Variants in MAP3K13 observed in about 807,000 individuals in gnomAD.
MAP3K13 encodes the protein mitogen-activated protein kinase kinase kinase 13, also known as leucine zipper-bearing kinase.
MAP3K13 carries 52 observed loss-of-function variants against 104.0 expected under a neutral mutation model. That is an observed-to-expected ratio of 0.50 (90% CI 0.40 to 0.63). The LOEUF is 0.63. MAP3K13 is among the 20% of genes least tolerant of loss of function. The probability of loss-of-function intolerance (pLI) is 0.00; values close to 1 mark genes in which losing one functional copy is unlikely to be tolerated. For synonymous variants in MAP3K13, 394 were observed against 442.2 expected, an observed-to-expected ratio of 0.89 and a Z score of 1.37; for missense variants, 914 against 1,218.5, an observed-to-expected ratio of 0.75 and a Z score of 3.72.
intron 7 of MAP3K13, among the ~76,000 whole-genome samples, chr3:185,461,730 T>C (rs1330298780): frequency 6.6e-6 from 1 of 151,948 alleles, no homozygotes; most frequent in African/African-American, 2.4e-5. Flanking sequence ...ACCCAGCTAA[T>C]TTTTGTATTT....
chr3:185,321,195 ATT>A (rs1243289049), intron 2 of MAP3K13, among the ~76,000 whole-genome samples: 4 of 149,970 alleles, frequency 2.7e-5, no homozygotes, highest in African/African-American at 1.0e-4. Context: ...ACATGTGTAT[ATT>A]ATATATGCAT....
At chr3:185,354,707 T>C (rs551831592) in intron 2 of MAP3K13, among the ~76,000 whole-genome samples, 126 of 152,106 alleles carry the variant, frequency 8.3e-4, no homozygotes, top group African/African-American at 2.9e-3. Flanking sequence ...TTTCTTCTAG[T>C]ATTGTATCCC....
At chr3:185,375,313 C>A (rs1267309508) in intron 1 of MAP3K13, among the ~76,000 whole-genome samples, 2 of 151,896 alleles carry the variant, frequency 1.3e-5, no homozygotes, top group Non-Finnish European at 2.9e-5. Flanking sequence ...CCTGGGTGGG[C>A]AAATCCCCGA....
At chr3:185,397,066 A>T (rs759376268) in intron 1 of MAP3K13, among the ~76,000 whole-genome samples, 1 of 152,124 alleles carries the variant, frequency 6.6e-6, no homozygotes, top group Non-Finnish European at 1.5e-5. Flanking sequence ...TCCAGAACCA[A>T]TTCATAAGAT....
chr3:185,285,603 A>G (rs1434692934), exon 2 of MAP3K13: 7 of 1,534,204 alleles, frequency 4.6e-6, no homozygotes, highest in Admixed American at 3.9e-5. Context: ...AACATGAGTC[A>G]ATATGTATTG....
In MAP3K13 at chr3:185,482,951, AAAG is replaced by A. The variant is rs1237783537; in HGVS notation, c.*500_*502del. 9 of 232,908 alleles carry A rather than the reference AAAG, an allele frequency of 3.9e-5. No homozygotes were observed. Among genetic ancestry groups the A allele is most frequent in the African/African-American group, 1.8e-4 (8 of 45,432 alleles). The allele number at this position is 232,908 out of a possible 1,614,324, so 14.4% of individuals were successfully genotyped here. A position where few individuals can be genotyped will look rare whatever the true frequency, so the allele number is the denominator to read the frequency against. ...CCAGGTCTTTTGGCCATAAGTGACT[AAAG>A]AAGAGCCAGAGCAAGACATTGAACA... On this transcript the variant is annotated 3_prime_UTR_variant, in exon 14 of 14. Coordinates refer to ENST00000265026, the MANE Select transcript of MAP3K13 (RefSeq NM_004721.5). This position sits in a 1 kb window ranked among gnomAD's most constrained non-coding sequence, Gnocchi z 4.5.
At chr3:185,301,990 T>C (rs528150972) in intron 2 of MAP3K13, among the ~76,000 whole-genome samples, 4 of 152,330 alleles carry the variant, frequency 2.6e-5, no homozygotes, top group Admixed American at 2.6e-4. Flanking sequence ...TTTTGTTTTC[T>C]ATTTCTGCAA....
chr3:185,380,444 G>A (rs1164080497), intron 1 of MAP3K13, among the ~76,000 whole-genome samples: 2 of 150,106 alleles, frequency 1.3e-5, no homozygotes, highest in Non-Finnish European at 2.9e-5. Context: ...CCGGGAGGCA[G>A]AGGTTGCAGT....
chr3:185,385,806 C>T (rs2108763279), intron 1 of MAP3K13, among the ~76,000 whole-genome samples: 1 of 152,146 alleles, frequency 6.6e-6, no homozygotes, highest in Non-Finnish European at 1.5e-5. Context: ...AGTTCGAGAC[C>T]AGCTTGTCCA....
At chr3:185,479,224 C>G (rs1414676519) in intron 12 of MAP3K13, among the ~76,000 whole-genome samples, 2 of 152,162 alleles carry the variant, frequency 1.3e-5, no homozygotes, top group Non-Finnish European at 2.9e-5. Context: ...AGTGAAAGCA[C>G]TTGGGCCTCC....
chr3:185,415,979 TA>T (rs1469986835), intron 1 of MAP3K13, among the ~76,000 whole-genome samples: 1 of 152,200 alleles, frequency 6.6e-6, no homozygotes, highest in East Asian at 1.9e-4. Flanking sequence ...GCAATTTAAT[TA>T]AAACCTAGAA....
chr3:185,312,770 T>C (rs780103304), intron 2 of MAP3K13, among the ~76,000 whole-genome samples: 2 of 152,166 alleles, frequency 1.3e-5, no homozygotes, highest in African/African-American at 2.4e-5. Flanking sequence ...AGTTCTCTAA[T>C]GAAAATGCCT....
Position 185,455,668 on chromosome 3 carries a change from GATATATATATGAGATATATATATGAT to G in MAP3K13, c.1278+4282_1278+4307del, listed in dbSNP as rs1560120259. Among the ~76,000 whole-genome samples, 35 of 18,532 alleles carry G rather than the reference GATATATATATGAGATATATATATGAT, an allele frequency of 1.9e-3. 2 individuals are homozygous for G. Among genetic ancestry groups the G allele is most frequent in the African/African-American group, 4.2e-3 (33 of 7,938 alleles). 12.2% of individuals were successfully genotyped at this position (18,532 alleles called of 152,430 possible). On this transcript the variant is annotated intron_variant, in intron 7 of 13. Coordinates refer to ENST00000265026, the MANE Select transcript of MAP3K13 (RefSeq NM_004721.5). ...TGAGATATATATATGATATATATAT[GATATATATATGAGATATATATATGAT>G]ATATATATGAGATATATATGAGATA...
At chr3:185,476,459 C>A (rs1331067574) in intron 11 of MAP3K13, 2 of 151,156 alleles carry the variant, frequency 1.3e-5, no homozygotes, top group Non-Finnish European at 2.9e-5. Context: ...ATATTTGGTA[C>A]AGTTCCTTGG....
chr3:185,321,133 T>C (rs926540759), intron 2 of MAP3K13, among the ~76,000 whole-genome samples: 6 of 150,148 alleles, frequency 4.0e-5, no homozygotes, highest in Admixed American at 3.3e-4. Context: ...CATATACACA[T>C]GTGTATATTA....
chr3:185,334,538 G>C (rs1426740680), intron 2 of MAP3K13, among the ~76,000 whole-genome samples: 2 of 152,004 alleles, frequency 1.3e-5, no homozygotes, highest in Non-Finnish European at 2.9e-5. Context: ...TTTTGATCAG[G>C]TGGTGAGTCA....
chr3:185,482,060 G>A lies in MAP3K13; in HGVS notation c.2800-295G>A, dbSNP rs1048610039. Among the ~76,000 whole-genome samples, 1 of 152,236 alleles carries A rather than the reference G, an allele frequency of 6.6e-6. No homozygotes were observed. The highest frequency in any genetic ancestry group is 1.5e-5 in the Non-Finnish European group (1 of 68,040). On this transcript the variant is annotated intron_variant, in intron 13 of 13. Transcript: ENST00000265026. This position sits in a 1 kb window ranked among gnomAD's most constrained non-coding sequence, Gnocchi z 4.5. ...GATCGTGCCACTGCACTCCAGCCTG[G>A]GCGACAGAGTGAGACTCCATCTCTA...
intron 1 of MAP3K13, among the ~76,000 whole-genome samples, chr3:185,370,530 T>C (rs1277805492): frequency 1.3e-5 from 2 of 152,216 alleles, no homozygotes; most frequent in African/African-American, 4.8e-5. Context: ...TTAGCCTCCA[T>C]GGCATGCTGC....
chr3:185,345,014 C>T (rs1310348204), intron 2 of MAP3K13, among the ~76,000 whole-genome samples: 2 of 152,080 alleles, frequency 1.3e-5, no homozygotes, highest in Admixed American at 6.5e-5. Context: ...AGGCATGCGC[C>T]ACCATGCCCA....
Sources: allele counts gnomAD v4.1 joint callset (sites outside exome capture counted in the v4.1 genomes callset), GRCh38; gene constraint gnomAD v4.1.1; non-coding constraint Gnocchi (gnomAD v3.1); transcripts MANE v1.5; gene names NCBI Gene and HGNC (gene_info 2026-07-23, HGNC 2026-07-21).